RILPL2: variants seen among roughly 807,000 people sequenced by gnomAD.
The protein encoded by RILPL2 is Rab interacting lysosomal protein like 2.
In RILPL2, 19 loss-of-function variants were observed where a neutral mutation model predicts 22.2. The observed-to-expected ratio is 0.86, with a 90% CI of 0.60 to 1.25. The LOEUF is 1.25. Among genes scored for constraint, RILPL2 ranks in the 50% most tolerant of loss-of-function variants. The pLI, the probability that RILPL2 is intolerant of heterozygous loss-of-function variation, is 0.00. For synonymous variants in RILPL2, 123 were observed against 111.6 expected, an observed-to-expected ratio of 1.10 and a Z score of -0.64; for missense variants, 243 against 263.6, an observed-to-expected ratio of 0.92 and a Z score of 0.54.
At chr12:123,435,986 A>G in intron 1 of RILPL2, 96 bp downstream of exon 1, 4 of 1,421,486 alleles carry the variant, frequency 2.8e-6, no homozygotes, top group Non-Finnish European at 3.7e-6. Context: ...AAGAGAAAAG[A>G]GAAGAGAAAA....
downstream of RILPL2, chr12:123,413,138 G>A: frequency 6.5e-6 from 1 of 153,652 alleles, no homozygotes; most frequent in South Asian, 1.9e-4. Context: ...AGAGATTGCA[G>A]TGAACCCAGA....
intron 2 of RILPL2, among the ~76,000 whole-genome samples, chr12:123,424,422 C>T (rs1879376467): frequency 6.7e-6 from 1 of 149,172 alleles, no homozygotes; most frequent in Non-Finnish European, 1.5e-5. Flanking sequence ...GCCTCTGCCT[C>T]CCGGGTTCAA....
Position 123,432,276 on chromosome 12 carries a change from CG to C in RILPL2, c.340-1618del, listed in dbSNP as rs377317190. ...ACCCCAGAACTCTGGGAGGCTAGAG[CG>C]GGTGGATCGTTTGAGCCCAGGAGTT... is the stretch of plus-strand genomic sequence containing the variant. On this transcript the variant is annotated intron_variant, in intron 1 of 3. Transcript: ENST00000280571. Among the ~76,000 whole-genome samples, 307 of 152,206 alleles carry C rather than the reference CG, an allele frequency of 2.0e-3. 1 individual carries two copies. Among genetic ancestry groups the C allele is most frequent in the African/African-American group, 7.2e-3 (297 of 41,534 alleles).
intron 3 of RILPL2, 87 bp from the exon 4 acceptor site, chr12:123,416,008 T>G: frequency 2.7e-5 from 35 of 1,317,912 alleles, no homozygotes; most frequent in Middle Eastern, 2.1e-4. Context: ...TAAGTAGCTC[T>G]TGCAGCTGTT....
intron 1 of RILPL2, among the ~76,000 whole-genome samples, chr12:123,435,295 C>G (rs1350778119): frequency 2.6e-5 from 4 of 152,168 alleles, no homozygotes; most frequent in Non-Finnish European, 5.9e-5. Context: ...TTCTTTTTCT[C>G]TGTTGCATAG....
At chr12:123,428,758 G>C (rs1879514390) in intron 2 of RILPL2, among the ~76,000 whole-genome samples, 1 of 152,130 alleles carries the variant, frequency 6.6e-6, no homozygotes, top group Non-Finnish European at 1.5e-5. Context: ...CTGGTCCTCA[G>C]CTCAGCATAG....
intron 2 of RILPL2, among the ~76,000 whole-genome samples, chr12:123,423,453 A>G (rs1344376847): frequency 2.0e-5 from 3 of 151,892 alleles, no homozygotes; most frequent in Non-Finnish European, 2.9e-5. Flanking sequence ...CATCTGCCTC[A>G]GACTCCCAAA....
chr12:123,427,346 C>T (rs760821910), intron 2 of RILPL2, among the ~76,000 whole-genome samples: 1 of 152,072 alleles, frequency 6.6e-6, no homozygotes, highest in Non-Finnish European at 1.5e-5. Flanking sequence ...CAACTTAACC[C>T]CAGAGGCCTA....
intron 1 of RILPL2, among the ~76,000 whole-genome samples, 200 bp downstream of exon 1, chr12:123,435,882 C>G (rs1879778909): frequency 6.6e-6 from 1 of 152,022 alleles, no homozygotes; most frequent in South Asian, 2.1e-4. Flanking sequence ...AAACCCAGCA[C>G]TCTAGGAGGC....
downstream of RILPL2, chr12:123,413,671 G>T (rs904173670): frequency 6.6e-6 from 1 of 152,244 alleles, no homozygotes; most frequent in African/African-American, 2.4e-5. Context: ...TGCCACTGCT[G>T]CCTGGGGCAG....
chr12:123,432,932 T>C (rs191136373), intron 1 of RILPL2, among the ~76,000 whole-genome samples: 130 of 152,028 alleles, frequency 8.6e-4, no homozygotes, highest in African/African-American at 3.0e-3. Flanking sequence ...TAGGAATAGG[T>C]GAAATAAATT....
chr12:123,421,761 G>A (rs548919474), intron 3 of RILPL2, among the ~76,000 whole-genome samples: 5 of 146,338 alleles, frequency 3.4e-5, no homozygotes, highest in Admixed American at 1.4e-4. Context: ...TCCACCTCCC[G>A]GGCTCAAGCG....
chr12:123,416,545 CAGG>C (rs1879124251), intron 3 of RILPL2, among the ~76,000 whole-genome samples: 2 of 151,956 alleles, frequency 1.3e-5, no homozygotes, highest in East Asian at 3.9e-4. Flanking sequence ...GAGGCTGAGG[CAGG>C]AGAATGGCAT....
chr12:123,430,099 CA>C (rs59871132), intron 2 of RILPL2, among the ~76,000 whole-genome samples: 207 of 18,778 alleles, frequency 0.011, no homozygotes, highest in African/African-American at 0.051. Context: ...GTGAGACCCT[CA>C]AAAAAAAAAA....
intron 3 of RILPL2, among the ~76,000 whole-genome samples, chr12:123,420,243 T>C: frequency 6.6e-6 from 1 of 151,748 alleles, no homozygotes; most frequent in South Asian, 2.1e-4. Context: ...GCCAGGATGG[T>C]CTCGATCTCC....
At chr12:123,418,384 G>A (rs1465371346) in intron 3 of RILPL2, among the ~76,000 whole-genome samples, 2 of 152,082 alleles carry the variant, frequency 1.3e-5, no homozygotes, top group African/African-American at 2.4e-5. Flanking sequence ...ATCTAAAGTA[G>A]TCCTCTCTCT....
intron 1 of RILPL2, among the ~76,000 whole-genome samples, chr12:123,435,137 G>A (rs1177054744): frequency 5.3e-5 from 8 of 151,396 alleles, no homozygotes; most frequent in South Asian, 4.2e-4. Context: ...TCGAGGTCAC[G>A]CCACTGCACT....
At chr12:123,416,382 G>A (rs1316427846) in intron 3 of RILPL2, among the ~76,000 whole-genome samples, 3 of 152,012 alleles carry the variant, frequency 2.0e-5, no homozygotes, top group Non-Finnish European at 4.4e-5. Context: ...GCTCATGCCT[G>A]TAATCCCAGC....
chr12:123,434,116 C>T (rs571129070), intron 1 of RILPL2, among the ~76,000 whole-genome samples: 44 of 152,056 alleles, frequency 2.9e-4, no homozygotes, highest in African/African-American at 7.7e-4. Context: ...TAATGAGTTT[C>T]GACAAGAATT....
Sources: allele counts gnomAD v4.1 joint callset (sites outside exome capture counted in the v4.1 genomes callset), GRCh38; gene constraint gnomAD v4.1.1; transcripts MANE v1.5; gene names NCBI Gene and HGNC (gene_info 2026-07-23, HGNC 2026-07-21).